CRYZL1: variants seen among roughly 807,000 people sequenced by gnomAD.
CRYZL1 encodes ferry endosomal RAB5 effector complex subunit 4.
In CRYZL1, 34 loss-of-function variants were observed where a neutral mutation model predicts 50.6. That is an observed-to-expected ratio of 0.67 (90% CI 0.51 to 0.89). The LOEUF (loss-of-function observed/expected upper bound fraction) is 0.89, where lower values mean the gene tolerates loss of function less well. Among genes scored for constraint, CRYZL1 ranks in the 40% least tolerant of loss-of-function variants. The pLI is 0.00. For synonymous variants in CRYZL1, 125 were observed against 134.3 expected, an observed-to-expected ratio of 0.93 and a Z score of 0.48; for missense variants, 354 against 402.3, an observed-to-expected ratio of 0.88 and a Z score of 1.03.
At chr21:33,623,709 T>C (rs1273632129) in intron 3 of CRYZL1, among the ~76,000 whole-genome samples, 2 of 152,164 alleles carry the variant, frequency 1.3e-5, no homozygotes, top group Non-Finnish European at 2.9e-5. Context: ...AGTCACATTA[T>C]AATCCAATAA....
chr21:33,603,564 T>C (rs1199590106), intron 6 of CRYZL1, 27 bp from the exon 7 acceptor site: 2 of 1,612,952 alleles, frequency 1.2e-6, no homozygotes, highest in East Asian at 2.2e-5. Context: ...GAAGAAACAA[T>C]CTGTTAGCAA....
chr21:33,600,829 A>G (rs1216619496), intron 8 of CRYZL1, among the ~76,000 whole-genome samples: 1 of 148,086 alleles, frequency 6.8e-6, no homozygotes, highest in Non-Finnish European at 1.5e-5. Flanking sequence ...AGGTTTCACC[A>G]TGTTAGCCAG....
chr21:33,608,488 C>T (rs1233009189), intron 6 of CRYZL1, among the ~76,000 whole-genome samples: 1 of 152,250 alleles, frequency 6.6e-6, no homozygotes, highest in South Asian at 2.1e-4. Context: ...ACATATCCCT[C>T]CTGTTTAGCT....
Position 33,600,964 on chromosome 21 carries a change from T to C in CRYZL1, c.577+1270A>G, listed in dbSNP as rs542784956. ...TTTTTTTTTTTTTTTGGGGGCGGAC[T>C]GTCGCTCTGTTGCCCAGGCTGGAGT... On this transcript the variant is annotated intron_variant, in intron 8 of 12. Transcript: ENST00000381554. 4.3e-4 allele frequency among the ~76,000 whole-genome samples: 22 copies of C among 51,610 alleles called. No homozygotes were observed. The East Asian group carries it at 0.023, about 55-fold the overall frequency. The allele number at this position is 51,610 out of a possible 152,430, so 33.9% of individuals were successfully genotyped here.
In CRYZL1 at chr21:33,591,215, G is replaced by T; in HGVS notation, c.905-8C>A. Reference sequence around the variant, plus strand: ...TCACATCCTTTAAGATACGTAGCTGGAAGGATTGTTAAGGTGGCAATGTAA... The same window carrying T: ...TCACATCCTTTAAGATACGTAGCTGTAAGGATTGTTAAGGTGGCAATGTAA... On this transcript the variant is annotated splice_polypyrimidine_tract_variant and splice_region_variant and intron_variant, in intron 11 of 12. Transcript: ENST00000381554. The T allele has an allele frequency of 6.2e-7, 1 of 1,607,962 alleles. No individual in the cohort carries two copies. Among genetic ancestry groups the T allele is most frequent in the Non-Finnish European group, 8.5e-7 (1 of 1,174,496 alleles).
At position 33,597,356 on chromosome 21, in the gene CRYZL1, AGTTG is replaced by A; in HGVS notation, c.718_721del (p.Gln240TyrfsTer19). 6.2e-7 allele frequency: 1 copy of A among 1,607,088 alleles called. No homozygotes were observed. The highest frequency in any genetic ancestry group is 1.1e-5 in the South Asian group (1 of 90,922). ...GATGATATCATGTTTATGTGGTAGTAGTTGTAGTTTTACAGCTGGTTCATCATCT... is the reference window on the plus strand; with the variant it reads ...GATGATATCATGTTTATGTGGTAGTATAGTTTTACAGCTGGTTCATCATCT... On this transcript the variant is annotated frameshift_variant, in exon 10 of 13. Transcript: ENST00000381554. LOFTEE classifies it high-confidence loss of function.
At chr21:33,631,167 A>G (rs2087133143) in intron 2 of CRYZL1, among the ~76,000 whole-genome samples, 1 of 152,250 alleles carries the variant, frequency 6.6e-6, no homozygotes. Flanking sequence ...ACAAAATGGC[A>G]AGTATTTTAC....
At chr21:33,610,727 G>GTTTTTTT (rs747790692) in intron 6 of CRYZL1, among the ~76,000 whole-genome samples, 7 of 101,478 alleles carry the variant, frequency 6.9e-5, no homozygotes, top group Non-Finnish European at 1.2e-4. Context: ...TTGTTTGGTT[G>GTTTTTTT]TTTTTTTTTT....
rs143178394 is a variant in CRYZL1, at chr21:33,615,781, A to G, written c.262+925T>C. ...GAGCTTCTATATGGCCCAGTCAGTC[A>G]GCAGCCTTCAAGCATGTGACTTGTA... On this transcript the variant is annotated intron_variant, in intron 5 of 12. Transcript: ENST00000381554. Among the ~76,000 whole-genome samples the G allele has an allele frequency of 3.5e-3, 538 of 152,334 alleles. 3 individuals carry two copies. The highest frequency in any genetic ancestry group is 0.012 in the African/African-American group (513 of 41,584).
chr21:33,593,095 A>G (rs577668319), intron 11 of CRYZL1, among the ~76,000 whole-genome samples: 7 of 151,952 alleles, frequency 4.6e-5, no homozygotes, highest in Admixed American at 2.6e-4. Context: ...ATTAGCAAAT[A>G]TAAGTCATTT....
Position 33,597,306 on chromosome 21 carries a change from A to G in CRYZL1, c.772T>C (p.Trp258Arg), listed in dbSNP as rs1312183926. 3 of 1,613,676 alleles carry G rather than the reference A, an allele frequency of 1.9e-6. No individual in the cohort carries two copies. The highest frequency in any genetic ancestry group is 2.5e-6 in the Non-Finnish European group (3 of 1,179,662). The change falls in exon 10 of 13, where the codon TGG (tryptophan) becomes CGG (arginine). Residue 258 changes from tryptophan to arginine, a missense_variant. Transcript: ENST00000381554. ...TGAAGGTTTTCTTCTGTTGTTACCC[A>G]GTGGCCTCCAACACCAAGAAGTGTG... ...IITLLGVGGH[W>R]VTTEENLQLD...
chr21:33,618,066 G>T (rs1366354561), intron 4 of CRYZL1, among the ~76,000 whole-genome samples: 2 of 152,050 alleles, frequency 1.3e-5, no homozygotes, highest in African/African-American at 4.8e-5. Flanking sequence ...GAGGCGGGTG[G>T]ATCACGAGGT....
chr21:33,593,982 CAAAAAAAAAAAAAAAAA>C (rs1167158360), intron 11 of CRYZL1, among the ~76,000 whole-genome samples: 2 of 48,908 alleles, frequency 4.1e-5, no homozygotes, highest in African/African-American at 8.8e-5. Context: ...GACTCTGTCT[CAAAAAAAAAAAAAAAAA>C]AAAAAAAAAA....
At chr21:33,640,013 A>G in intron 1 of CRYZL1, 1 of 658,902 alleles carries the variant, frequency 1.5e-6, no homozygotes, top group South Asian at 2.1e-5. Context: ...TTTAGTAGAC[A>G]CGGGGTTTCA....
chr21:33,635,460 C>T (rs113836175), intron 1 of CRYZL1, among the ~76,000 whole-genome samples: 3,291 of 150,850 alleles, frequency 0.022, 82 homozygotes, highest in African/African-American at 0.061. Flanking sequence ...ACGCCATTCT[C>T]CTGCCTCCGC....
chr21:33,620,931 G>A (rs1291213610), intron 4 of CRYZL1, among the ~76,000 whole-genome samples: 1 of 31,258 alleles, frequency 3.2e-5, no homozygotes, highest in African/African-American at 1.4e-4. Context: ...TTTTTGAGAC[G>A]GAGTCTCGCT....
chr21:33,596,798 C>T (rs372557781), intron 10 of CRYZL1, among the ~76,000 whole-genome samples: 1 of 150,858 alleles, frequency 6.6e-6, no homozygotes, highest in Non-Finnish European at 1.5e-5. Flanking sequence ...AAAAAAGCTA[C>T]ATTTCTTTCT....
chr21:33,603,364 G>C (rs765599614), intron 7 of CRYZL1, 40 bp downstream of exon 7: 3 of 1,603,196 alleles, frequency 1.9e-6, no homozygotes, highest in South Asian at 2.2e-5. Flanking sequence ...TAAGTTTACT[G>C]TATGCTTGTC....
In CRYZL1 at chr21:33,641,126, T is replaced by C. The variant is rs2087309840; in HGVS notation, c.-7+555A>G. On this transcript the variant is annotated intron_variant, in intron 1 of 12. Transcript: ENST00000381554. ...TGGACAGCAGCACCTGGGAGCTTCTTAGAAACGCAGATGTTCGGCCCCGAC... is the reference window on the plus strand; with the variant it reads ...TGGACAGCAGCACCTGGGAGCTTCTCAGAAACGCAGATGTTCGGCCCCGAC... The C allele has an allele frequency of 2.6e-6, 4 of 1,548,018 alleles. No individual in the cohort carries two copies. In the South Asian group the frequency reaches 4.8e-5, roughly 18 times the overall value.
Sources: allele counts gnomAD v4.1 joint callset (sites outside exome capture counted in the v4.1 genomes callset), GRCh38; gene constraint gnomAD v4.1.1; transcripts MANE v1.5; gene names NCBI Gene and HGNC (gene_info 2026-07-23, HGNC 2026-07-21).